Variants in TULP4 observed in about 807,000 individuals in gnomAD.
The protein encoded by TULP4 is tubby-related protein 4.
A neutral mutation model predicts 129.0 loss-of-function variants in TULP4; 16 were observed. The observed-to-expected ratio is 0.12, with a 90% CI of 0.08 to 0.19. TULP4 has a LOEUF of 0.19. Among genes scored for constraint, TULP4 ranks in the 10% least tolerant of loss-of-function variants. TULP4 has a pLI of 1.00. For synonymous variants in TULP4, 998 were observed against 854.0 expected (o/e 1.17, Z -2.94); for missense variants, 1,842 against 2,059.1 (o/e 0.89, Z 2.04).
At chr6:158,346,593 G>T (rs1025675280) in intron 1 of TULP4, among the ~76,000 whole-genome samples, 10 of 152,092 alleles carry the variant, frequency 6.6e-5, no homozygotes, top group African/African-American at 2.2e-4. Context: ...TATCACTTTT[G>T]TTTGGCTTAT....
At chr6:158,455,680 T>C (rs1352150678) in intron 5 of TULP4, among the ~76,000 whole-genome samples, 1 of 150,560 alleles carries the variant, frequency 6.6e-6, no homozygotes, top group African/African-American at 2.4e-5. Context: ...GAGGTTGCAA[T>C]GAGCTGAGAT....
chr6:158,254,043 A>G (rs929346336), intron 1 of TULP4, among the ~76,000 whole-genome samples: 12 of 152,082 alleles, frequency 7.9e-5, no homozygotes, highest in African/African-American at 2.9e-4. Flanking sequence ...TGTCTCAAAA[A>G]AAAAAAGAAA....
At chr6:158,314,373 A>G in intron 1 of TULP4, 105 bp downstream of exon 1, 1 of 1,350,760 alleles carries the variant, frequency 7.4e-7, no homozygotes, top group East Asian at 2.3e-5. Context: ...CTTGCTGCCT[A>G]GTGAGACTTC....
chr6:158,348,631 C>G (rs1401409763), intron 1 of TULP4, among the ~76,000 whole-genome samples: 1 of 151,840 alleles, frequency 6.6e-6, no homozygotes, highest in Non-Finnish European at 1.5e-5. Flanking sequence ...ACATTTCCCC[C>G]TTTTCTTTTT....
intron 1 of TULP4, among the ~76,000 whole-genome samples, chr6:158,366,120 G>T (rs1200180638): frequency 2.0e-5 from 3 of 151,440 alleles, no homozygotes. Context: ...AGCCAGGATG[G>T]TCTCGATCTC....
intron 1 of TULP4, among the ~76,000 whole-genome samples, chr6:158,345,282 GGGACCACA>G (rs1252646858): frequency 6.6e-6 from 1 of 152,180 alleles, no homozygotes; most frequent in African/African-American, 2.4e-5. Context: ...CCAAGTAGCT[GGGACCACA>G]GGTGCATGCC....
intron 3 of TULP4, 60 bp downstream of exon 3, chr6:158,429,957 GA>G: frequency 6.6e-7 from 1 of 1,521,510 alleles, no homozygotes. Context: ...TGGGAGGGAA[GA>G]AAGGGGCAGG....
rs546670267 is a variant in TULP4 at position 158,271,954 on chromosome 6, A to G, written n.68+39651A>G. 3.5e-4 allele frequency among the ~76,000 whole-genome samples: 54 copies of G among 152,342 alleles called. 1 individual carries two copies. The South Asian group carries it at 0.011, about 31-fold the overall frequency. On this transcript the variant is annotated intron_variant and non_coding_transcript_variant, in intron 1 of 1. Coordinates refer to the TULP4 transcript ENST00000620026. ...AAAGGACTCACTGGGACACATGTGCAGTGGAGGGTTTAAAAGTATTTGCGG... is the reference window on the plus strand; with the variant it reads ...AAAGGACTCACTGGGACACATGTGCGGTGGAGGGTTTAAAAGTATTTGCGG...
At chr6:158,317,319 C>T (rs1173067677) in intron 1 of TULP4, among the ~76,000 whole-genome samples, 2 of 149,710 alleles carry the variant, frequency 1.3e-5, no homozygotes. Context: ...CTCCCCCTGC[C>T]CCCCACCCCA....
intron 1 of TULP4, among the ~76,000 whole-genome samples, chr6:158,371,059 G>T (rs1334736836): frequency 1.3e-5 from 2 of 152,112 alleles, no homozygotes; most frequent in African/African-American, 2.4e-5. Flanking sequence ...TGATGACCTC[G>T]CCTAAGCTTT....
Position 158,502,227 on chromosome 6 carries a change from C to CGTGT in TULP4, c.2565_2566insTGTG (p.Pro856CysfsTer32). The CGTGT allele has an allele frequency of 6.4e-7, 1 of 1,554,308 alleles. No homozygotes were observed. The highest frequency in any genetic ancestry group is 8.8e-7 in the Non-Finnish European group (1 of 1,141,938). ...ACAGCAGCACCCCCGCCCCCTCTGC[C>CGTGT]GCCCCCACAGCCCCCAGTGGATGTG... On this transcript the variant is annotated frameshift_variant, in exon 13 of 14. Coordinates refer to ENST00000367097, the MANE Select transcript of TULP4 (RefSeq NM_020245.5). LOFTEE classifies it high-confidence loss of function.
intron 1 of TULP4, among the ~76,000 whole-genome samples, chr6:158,323,616 T>C (rs1455132644): frequency 6.6e-6 from 1 of 152,162 alleles, no homozygotes; most frequent in East Asian, 1.9e-4. Context: ...CGGAGGTGCA[T>C]TGAATACAGA....
At chr6:158,270,825 C>T (rs777532648) in intron 1 of TULP4, among the ~76,000 whole-genome samples, 4 of 152,096 alleles carry the variant, frequency 2.6e-5, no homozygotes, top group Non-Finnish European at 5.9e-5. Context: ...TTCATTTTTG[C>T]CTCAGAGTTT....
At chr6:158,441,096 AC>A (rs1182362546) in intron 3 of TULP4, among the ~76,000 whole-genome samples, 15 of 152,138 alleles carry the variant, frequency 9.9e-5, no homozygotes, top group Admixed American at 9.8e-4. Flanking sequence ...GGGGTGGATC[AC>A]CTGAGGTCAG....
Position 158,489,736 on chromosome 6 carries a change from A to T in TULP4, c.1631+4A>T. 6.2e-7 allele frequency: 1 copy of T among 1,614,206 alleles called. No individual in the cohort carries two copies. The highest frequency in any genetic ancestry group is 8.5e-7 in the Non-Finnish European group (1 of 1,180,034). ...GCAAATCACCCAAACTCCCAAGGTA[A>T]TCTCAGTCTTTGGGGAGATCGTCCT... is the stretch of plus-strand genomic sequence containing the variant. On this transcript the variant is annotated splice_donor_region_variant and intron_variant, in intron 9 of 13. Coordinates refer to ENST00000367097, the MANE Select transcript of TULP4 (RefSeq NM_020245.5).
At chr6:158,441,964 A>G (rs1406407344) in intron 3 of TULP4, among the ~76,000 whole-genome samples, 1 of 152,148 alleles carries the variant, frequency 6.6e-6, no homozygotes, top group African/African-American at 2.4e-5. Flanking sequence ...CAGTTAGTAA[A>G]GCCAGAGAGC....
chr6:158,243,643 C>G (rs540460778), intron 1 of TULP4, among the ~76,000 whole-genome samples: 1 of 151,460 alleles, frequency 6.6e-6, no homozygotes, highest in Admixed American at 6.6e-5. Flanking sequence ...TCTTGTGTTT[C>G]CTGTACATTG....
chr6:158,368,700 T>C (rs1201032918), intron 1 of TULP4, among the ~76,000 whole-genome samples: 1 of 152,224 alleles, frequency 6.6e-6, no homozygotes, highest in Non-Finnish European at 1.5e-5. Flanking sequence ...ATCCCAGTTA[T>C]GAAAGCAATT....
rs745962911 is a variant in TULP4 at position 158,506,646 on chromosome 6, G to T, written c.4584G>T (p.Val1528=). The T allele has an allele frequency of 4.3e-6, 7 of 1,614,158 alleles. No homozygotes were observed. The Admixed American group carries it at 1.0e-4, about 23-fold the overall frequency. Residue 1528 remains valine (V), a synonymous_variant, in exon 14 of 14, where the codon GTG becomes GTT. Transcript: ENST00000367097. ...ACTTCCAGTATCCGTTCTCAGCCGTGCAGGCCTTTGCAGTTGCCCTGGCCA... is the reference window on the plus strand; with the variant it reads ...ACTTCCAGTATCCGTTCTCAGCCGTTCAGGCCTTTGCAGTTGCCCTGGCCA... ...ILDFQYPFSA[V]QAFAVALANV... is the part of the protein sequence containing the mutation.
Sources: allele counts gnomAD v4.1 joint callset (sites outside exome capture counted in the v4.1 genomes callset), GRCh38; gene constraint gnomAD v4.1.1; transcripts MANE v1.5; gene names NCBI Gene and HGNC (gene_info 2026-07-23, HGNC 2026-07-21).